Variants in ABCA5 observed in about 807,000 individuals in gnomAD.
ABCA5 encodes ATP binding cassette subfamily A member 5, also known as cholesterol transporter ABCA5.
In ABCA5, 163 loss-of-function variants were observed where a neutral mutation model predicts 206.0. The ratio of observed to expected loss-of-function variants is 0.79; its 90% CI spans 0.70 to 0.90. The LOEUF (loss-of-function observed/expected upper bound fraction) is 0.90. Among genes scored for constraint, ABCA5 ranks in the 40% least tolerant of loss-of-function variants. ABCA5 has a pLI of 0.00. For missense variants in ABCA5, 1,859 were observed against 1,912.9 expected (o/e 0.97, Z 0.53); for synonymous variants, 609 against 613.8 (o/e 0.99, Z 0.11).
chr17:69,323,277 C>T (rs1236016870), intron 1 of ABCA5, among the ~76,000 whole-genome samples: 1 of 152,148 alleles, frequency 6.6e-6, no homozygotes, highest in African/African-American at 2.4e-5. Context: ...GTTAAATATA[C>T]CCTTCCCCCA....
Position 69,306,829 on chromosome 17 carries a change from T to C in ABCA5, c.684A>G (p.Ala228=), listed in dbSNP as rs1182990592. ...RGVILIYLVI[A]FSPFGYFLAI... is the part of the protein sequence containing the mutation. ...CCAAAAAGTATCCAAAAGGTGAAAA[T>C]GCTATAACTAGGTATATTAAAATTA... The change falls in exon 6 of 39, where the codon GCA becomes GCG. Residue 228 remains alanine, a synonymous_variant. Transcript: ENST00000392676. 13 of 1,601,732 alleles carry C rather than the reference T, an allele frequency of 8.1e-6. No homozygotes were observed. The Admixed American group carries it at 2.2e-4, about 27-fold the overall frequency.
intron 24 of ABCA5, among the ~76,000 whole-genome samples, chr17:69,264,013 G>T (rs2075180527): frequency 6.6e-6 from 1 of 152,062 alleles, no homozygotes; most frequent in Admixed American, 6.6e-5. Flanking sequence ...GATTCCTTTA[G>T]CCATCTGGGT....
At chr17:69,270,119 A>T (rs900528473) in intron 22 of ABCA5, among the ~76,000 whole-genome samples, 1 of 152,154 alleles carries the variant, frequency 6.6e-6, no homozygotes, top group Non-Finnish European at 1.5e-5. Flanking sequence ...GTATGAAAAG[A>T]AGAAGATAGA....
At chr17:69,310,991 T>C (rs1417376430) in intron 3 of ABCA5, among the ~76,000 whole-genome samples, 1 of 152,038 alleles carries the variant, frequency 6.6e-6, no homozygotes, top group Non-Finnish European at 1.5e-5. Flanking sequence ...GTAGATTGCT[T>C]GAGACCAGCC....
chr17:69,248,826 A>T (rs2074981372), intron 37 of ABCA5: 1 of 152,296 alleles, frequency 6.6e-6, no homozygotes, highest in Non-Finnish European at 1.5e-5. Context: ...CCAGGCTCAA[A>T]CAATCTTCCC....
At position 69,309,429 on chromosome 17, in the gene ABCA5, AGAT is replaced by A. The variant is rs776747198; in HGVS notation, c.308-9_308-7del. 5.2e-6 allele frequency: 8 copies of A among 1,528,200 alleles called. No individual in the cohort carries two copies. The South Asian group carries it at 8.8e-5, about 17-fold the overall frequency. The allele number at this position is 1,528,200 out of a possible 1,614,324, so 94.7% of individuals were successfully genotyped here. On this transcript the variant is annotated splice_region_variant and splice_polypyrimidine_tract_variant and intron_variant, in intron 3 of 38. Transcript: ENST00000392676. ...ATATTCTTCAGTAATTATGACTGTA[AGAT>A]ATCATAACAATATAGTTAGCTCACA...
intron 22 of ABCA5, 101 bp downstream of exon 22, chr17:69,270,502 GAGATCTCACA>G: frequency 9.7e-7 from 1 of 1,029,530 alleles, no homozygotes; most frequent in Admixed American, 2.7e-5. Context: ...AGAAGTCTAA[GAGATCTCACA>G]AGATAAATTT....
At chr17:69,318,115 T>C (rs899536869) in intron 1 of ABCA5, among the ~76,000 whole-genome samples, 4 of 13,724 alleles carry the variant, frequency 2.9e-4, no homozygotes, top group Non-Finnish European at 1.3e-3. Flanking sequence ...AAACTCACAA[T>C]TTTTTTTTTT....
chr17:69,299,154 T>A (rs1195893036), intron 9 of ABCA5, among the ~76,000 whole-genome samples: 1 of 151,952 alleles, frequency 6.6e-6, no homozygotes, highest in Non-Finnish European at 1.5e-5. Flanking sequence ...TATCGAAACA[T>A]CAAAAAATAA....
At chr17:69,267,382 C>A (rs1030382172) in intron 23 of ABCA5, among the ~76,000 whole-genome samples, 1 of 152,028 alleles carries the variant, frequency 6.6e-6, no homozygotes, top group Non-Finnish European at 1.5e-5. Context: ...TCGCTATATG[C>A]CTGAAGGAAA....
chr17:69,312,877 A>G (rs542902264), intron 3 of ABCA5, among the ~76,000 whole-genome samples: 1 of 152,204 alleles, frequency 6.6e-6, no homozygotes, highest in African/African-American at 2.4e-5. Flanking sequence ...ATAAAAGTAC[A>G]TAAAATATGC....
At position 69,298,282 on chromosome 17, in the gene ABCA5, A is replaced by G. The variant is rs544780335; in HGVS notation, c.1268-923T>C. 7.1e-5 allele frequency among the ~76,000 whole-genome samples: 7 copies of G among 98,532 alleles called. No individual in the cohort carries two copies. The East Asian group carries it at 2.0e-3, about 28-fold the overall frequency. 64.6% of individuals were successfully genotyped at this position (98,532 alleles called of 152,430 possible). On this transcript the variant is annotated intron_variant, in intron 9 of 38. Coordinates refer to ENST00000392676, the MANE Select transcript of ABCA5 (RefSeq NM_172232.4). ...AAGGAAGGAAGGAAGGAAGGAAGGA[A>G]GGGAGGGAGGGGAAAGAGAAAGAAA...
intron 1 of ABCA5, chr17:69,315,277 A>T (rs1207480083): frequency 6.6e-6 from 1 of 152,296 alleles, no homozygotes; most frequent in Non-Finnish European, 1.5e-5. Context: ...GTTCACTGCA[A>T]GGCACACACA....
At chr17:69,318,752 C>A (rs866805652) in intron 1 of ABCA5, 56 of 649,072 alleles carry the variant, frequency 8.6e-5, no homozygotes, top group African/African-American at 8.6e-4. Context: ...GCTTACACTC[C>A]CGAGTTGAAA....
intron 19 of ABCA5, among the ~76,000 whole-genome samples, chr17:69,277,126 T>C (rs2075341390): frequency 6.6e-6 from 1 of 152,230 alleles, no homozygotes; most frequent in Non-Finnish European, 1.5e-5. Context: ...GATGTCATTT[T>C]GATCCCAGAT....
At chr17:69,319,755 T>C (rs2075847570) in intron 1 of ABCA5, among the ~76,000 whole-genome samples, 1 of 152,236 alleles carries the variant, frequency 6.6e-6, no homozygotes, top group East Asian at 1.9e-4. Flanking sequence ...TCCTATTATC[T>C]TCCCAATATA....
intron 15 of ABCA5, 73 bp downstream of exon 15, chr17:69,287,540 G>C (rs890142125): frequency 1.3e-6 from 2 of 1,490,600 alleles, no homozygotes; most frequent in African/African-American, 1.4e-5. Context: ...TATACCTCAG[G>C]AATTAGCATC....
intron 14 of ABCA5, among the ~76,000 whole-genome samples, chr17:69,288,813 T>C (rs1010336332): frequency 6.6e-6 from 1 of 151,882 alleles, no homozygotes; most frequent in African/African-American, 2.4e-5. Context: ...TAACCAGTTA[T>C]CATAAAGATG....
chr17:69,260,632 C>A (rs901474737), intron 26 of ABCA5, among the ~76,000 whole-genome samples: 5 of 151,792 alleles, frequency 3.3e-5, no homozygotes, highest in Admixed American at 6.6e-5. Context: ...AAAAGGGAAG[C>A]AGGGGTAGTA....
Sources: allele counts gnomAD v4.1 joint callset (sites outside exome capture counted in the v4.1 genomes callset), GRCh38; gene constraint gnomAD v4.1.1; transcripts MANE v1.5; gene names NCBI Gene and HGNC (gene_info 2026-07-23, HGNC 2026-07-21).